SYT1: variants seen among roughly 807,000 people sequenced by gnomAD.
SYT1 encodes synaptotagmin-1.
Under a neutral mutation model 44.8 loss-of-function variants are expected in SYT1, and 8 were observed. The ratio of observed to expected loss-of-function variants is 0.18; its 90% CI spans 0.10 to 0.32. SYT1 has a LOEUF of 0.32. Ranked by LOEUF, SYT1 falls within the 10% of genes least tolerant of loss-of-function variation. The pLI is 1.00. For missense variants in SYT1, 286 were observed against 509.3 expected (o/e 0.56, Z 4.22); for synonymous variants, 154 against 188.8 (o/e 0.82, Z 1.51).
intron 8 of SYT1, among the ~76,000 whole-genome samples, chr12:79,329,130 CTG>C (rs1881743335): frequency 6.6e-6 from 1 of 152,150 alleles, no homozygotes. Flanking sequence ...GAAATCCAAA[CTG>C]TGTTATCCAA....
intron 1 of SYT1, among the ~76,000 whole-genome samples, chr12:78,885,029 G>T (rs889857393): frequency 6.6e-5 from 10 of 151,852 alleles, no homozygotes; most frequent in African/African-American, 1.9e-4. Flanking sequence ...ACAGAGAAAT[G>T]ATACTATTTG....
intron 1 of SYT1, among the ~76,000 whole-genome samples, chr12:78,907,056 G>A (rs1458575845): frequency 3.9e-5 from 6 of 151,944 alleles, no homozygotes; most frequent in Admixed American, 3.3e-4. Context: ...GTTTAGACAG[G>A]GAATTTAACA....
chr12:79,019,084 A>G (rs1872006885), intron 2 of SYT1, among the ~76,000 whole-genome samples: 2 of 151,962 alleles, frequency 1.3e-5, no homozygotes, highest in Admixed American at 1.3e-4. Flanking sequence ...ATTTCTTTAT[A>G]TCTTGTTTCT....
intron 3 of SYT1, among the ~76,000 whole-genome samples, chr12:79,205,197 C>T (rs560524296): frequency 5.9e-5 from 9 of 152,164 alleles, no homozygotes; most frequent in African/African-American, 1.7e-4. Flanking sequence ...CTCCTGACCT[C>T]GTGATCTGCC....
rs556063413 is a variant in SYT1 at position 79,156,112 on chromosome 12, C to A, written c.-17-61391C>A. Among the ~76,000 whole-genome samples the A allele has an allele frequency of 6.6e-5, 10 of 152,274 alleles. No homozygotes were observed. The South Asian group carries it at 1.9e-3, about 28-fold the overall frequency. ...TATACGACTTCATACTAAGAACAAC[C>A]TTGGACAAGATGAGTATTATTATTA... On this transcript the variant is annotated intron_variant, in intron 3 of 10. Transcript: ENST00000261205.
At chr12:79,063,288 G>A (rs1875523860) in intron 3 of SYT1, among the ~76,000 whole-genome samples, 1 of 152,110 alleles carries the variant, frequency 6.6e-6, no homozygotes, top group African/African-American at 2.4e-5. Flanking sequence ...CAGGGGAGAA[G>A]GCAGCTGGAG....
intron 6 of SYT1, among the ~76,000 whole-genome samples, chr12:79,293,651 A>G (rs140137522): frequency 3.4e-3 from 514 of 152,314 alleles, no homozygotes; most frequent in Admixed American, 6.9e-3. Flanking sequence ...TGAGAGCTCT[A>G]AGCAGTTGCA....
At chr12:79,213,016 C>T (rs554260925) in intron 3 of SYT1, among the ~76,000 whole-genome samples, 1 of 152,098 alleles carries the variant, frequency 6.6e-6, no homozygotes, top group East Asian at 1.9e-4. Flanking sequence ...AGTATTAGCC[C>T]CTTTTGGTGT....
rs66869713 is a variant in SYT1, at chr12:79,123,309, A to ATGTGTGTGTGTGTGTGTG, written c.-18+75973_-18+75990dup. Among the ~76,000 whole-genome samples the ATGTGTGTGTGTGTGTGTG allele has an allele frequency of 2.5e-3, 359 of 141,624 alleles. 1 individual carries two copies. The highest frequency in any genetic ancestry group is 7.8e-3 in the African/African-American group (300 of 38,450). 92.9% of individuals were successfully genotyped at this position (141,624 alleles called of 152,430 possible). ...TGTTACATGTATCTCTAAAAATGCA[A>ATGTGTGTGTGTGTGTGTG]TGTGTGTGTGTGTGTGTGTGTGTGT... On this transcript the variant is annotated intron_variant, in intron 3 of 10. Coordinates refer to ENST00000261205, the MANE Select transcript of SYT1 (RefSeq NM_005639.3).
intron 1 of SYT1, among the ~76,000 whole-genome samples, chr12:78,921,471 C>G (rs202240094): frequency 6.6e-6 from 1 of 151,846 alleles, no homozygotes; most frequent in East Asian, 1.9e-4. Context: ...TAAACATAAC[C>G]CTTCAAATCC....
chr12:78,955,449 G>A lies in SYT1; in HGVS notation c.-216-22350G>A, dbSNP rs565199197. The A allele has an allele frequency of 2.6e-5, 4 of 152,084 alleles. 1 individual carries two copies. Among genetic ancestry groups the A allele is most frequent in the Admixed American group, 1.3e-4 (2 of 15,216 alleles). 9.4% of individuals were successfully genotyped at this position (152,084 alleles called of 1,614,324 possible). A position where few individuals can be genotyped will look rare whatever the true frequency, so the allele number is the denominator to read the frequency against. ...CGGGTAATTTATAAATAACAGAAAT[G>A]TATTACTTACAGTTCTGGAAGCTGG... On this transcript the variant is annotated intron_variant, in intron 1 of 10. Transcript: ENST00000261205.
At chr12:79,040,370 C>G (rs1294902170) in intron 2 of SYT1, among the ~76,000 whole-genome samples, 1 of 152,296 alleles carries the variant, frequency 6.6e-6, no homozygotes, top group African/African-American at 2.4e-5. Flanking sequence ...TCTCTGATGG[C>G]CAGTGATGAT....
intron 8 of SYT1, among the ~76,000 whole-genome samples, chr12:79,312,963 T>C (rs1235967996): frequency 2.0e-5 from 3 of 152,228 alleles, no homozygotes; most frequent in Admixed American, 6.5e-5. Context: ...TCTATGAATG[T>C]TGACAATGAA....
chr12:79,382,577 G>A (rs1429343123), intron 9 of SYT1, among the ~76,000 whole-genome samples: 1 of 151,922 alleles, frequency 6.6e-6, no homozygotes, highest in African/African-American at 2.4e-5. Flanking sequence ...AGGAAAGGAA[G>A]TTAAAAAAAA....
chr12:79,146,425 G>T (rs1395561881), intron 3 of SYT1, among the ~76,000 whole-genome samples: 1 of 152,154 alleles, frequency 6.6e-6, no homozygotes, highest in African/African-American at 2.4e-5. Context: ...GCCTAAGAAA[G>T]TTCATTACCT....
chr12:79,014,952 A>G (rs2137591876), intron 2 of SYT1, among the ~76,000 whole-genome samples: 1 of 152,230 alleles, frequency 6.6e-6, no homozygotes, highest in African/African-American at 2.4e-5. Flanking sequence ...TCAGTAAACT[A>G]TCGCAAGGAT....
chr12:79,402,102 C>G (rs1056672495), intron 9 of SYT1, among the ~76,000 whole-genome samples: 2 of 152,132 alleles, frequency 1.3e-5, no homozygotes, highest in Non-Finnish European at 2.9e-5. Context: ...ATCTCAGAGC[C>G]CTTCACAGAT....
intron 3 of SYT1, among the ~76,000 whole-genome samples, chr12:79,207,686 C>A (rs997619632): frequency 1.3e-5 from 2 of 152,062 alleles, no homozygotes; most frequent in African/African-American, 4.8e-5. Flanking sequence ...GGAAACAAAT[C>A]TAGAAAAAAA....
intron 2 of SYT1, among the ~76,000 whole-genome samples, chr12:78,985,815 T>C (rs1869602867): frequency 6.6e-6 from 1 of 152,038 alleles, no homozygotes. Context: ...TTATTTAATC[T>C]ATTTAAATCA....
Sources: allele counts gnomAD v4.1 joint callset (sites outside exome capture counted in the v4.1 genomes callset), GRCh38; gene constraint gnomAD v4.1.1; transcripts MANE v1.5; gene names NCBI Gene and HGNC (gene_info 2026-07-23, HGNC 2026-07-21).